The following NLGN1 variants were observed in gnomAD, a reference collection of about 807,000 sequenced individuals.
NLGN1 encodes the protein neuroligin-1.
In NLGN1, 12 loss-of-function variants were observed where a neutral mutation model predicts 65.5. The ratio of observed to expected loss-of-function variants is 0.18; its 90% CI spans 0.12 to 0.30. The LOEUF (loss-of-function observed/expected upper bound fraction) is 0.30, where lower values mean the gene tolerates loss of function less well. Among genes scored for constraint, NLGN1 ranks in the 10% least tolerant of loss-of-function variants. NLGN1 has a pLI of 1.00. For missense variants in NLGN1, 750 were observed against 1,007.1 expected, an observed-to-expected ratio of 0.74 and a Z score of 3.46; for synonymous variants, 350 against 359.5, an observed-to-expected ratio of 0.97 and a Z score of 0.30.
At chr3:173,692,186 T>G (rs1425689215) in intron 3 of NLGN1, among the ~76,000 whole-genome samples, 2 of 152,232 alleles carry the variant, frequency 1.3e-5, no homozygotes, top group Admixed American at 1.3e-4. Flanking sequence ...AAATCAATAT[T>G]TTGTTAAGCC....
chr3:173,688,647 A>G (rs116088403), intron 3 of NLGN1, among the ~76,000 whole-genome samples: 1,571 of 152,302 alleles, frequency 0.01, 32 homozygotes, highest in African/African-American at 0.036. Context: ...CAGGCAAGTC[A>G]CGTGGTCTCT....
Position 173,496,925 on chromosome 3 carries a change from A to G in NLGN1, c.-321+61847A>G, listed in dbSNP as rs191541509. 2.6e-4 allele frequency among the ~76,000 whole-genome samples: 39 copies of G among 151,880 alleles called. No individual in the cohort carries two copies. In the East Asian group the frequency reaches 7.1e-3, roughly 28 times the overall value. ...GAAGACTTTTTACTTTTCTCATTCT[A>G]TTGTTTAATCCTTTTATTACAGAGT... On this transcript the variant is annotated intron_variant, in intron 2 of 6. Transcript: ENST00000457714.
At chr3:173,718,126 C>T (rs926118557) in intron 3 of NLGN1, among the ~76,000 whole-genome samples, 2 of 152,030 alleles carry the variant, frequency 1.3e-5, no homozygotes, top group African/African-American at 4.8e-5. Flanking sequence ...TCACCTCAAA[C>T]GTTTGTTATT....
rs188843775 is a variant in NLGN1, at chr3:173,824,633, T to C, written c.646+16801T>C. On this transcript the variant is annotated intron_variant, in intron 4 of 6. Transcript: ENST00000457714. Reference sequence around the variant, plus strand: ...TGACTTACATAACCAGGAAAGGGTATGTATATTTTAAAAGTTAGATTTCTT... The same window carrying C: ...TGACTTACATAACCAGGAAAGGGTACGTATATTTTAAAAGTTAGATTTCTT... Among the ~76,000 whole-genome samples the C allele has an allele frequency of 5.9e-5, 9 of 152,190 alleles. No individual in the cohort carries two copies. The East Asian group carries it at 1.7e-3, about 29-fold the overall frequency.
chr3:173,645,527 C>T (rs1758109400), intron 3 of NLGN1, among the ~76,000 whole-genome samples: 3 of 152,236 alleles, frequency 2.0e-5, no homozygotes, highest in Admixed American at 2.0e-4. Flanking sequence ...CTCCTCTCCA[C>T]AGTGGCCCAG....
In NLGN1 at chr3:174,279,693, A is replaced by T. The variant is rs751993866; in HGVS notation, c.1649+43A>T. On this transcript the variant is annotated intron_variant, in intron 6 of 6. Coordinates refer to ENST00000457714, the Ensembl canonical transcript of NLGN1. This position sits in a 1 kb window ranked among gnomAD's most constrained non-coding sequence, Gnocchi z 4.7. Reference sequence around the variant, plus strand: ...GAAGTTTATTTTTAATAAAAATGTTATTTTAACCATTTTAAAATAATAGAT... The same window carrying T: ...GAAGTTTATTTTTAATAAAAATGTTTTTTTAACCATTTTAAAATAATAGAT... 8.6e-7 allele frequency: 1 copy of T among 1,165,202 alleles called. No individual in the cohort carries two copies. The highest frequency in any genetic ancestry group is 2.5e-5 in the East Asian group (1 of 39,294). 72.2% of individuals were successfully genotyped at this position (1,165,202 alleles called of 1,614,324 possible).
chr3:173,576,463 A>G (rs1745518211), intron 2 of NLGN1, among the ~76,000 whole-genome samples: 1 of 152,148 alleles, frequency 6.6e-6, no homozygotes, highest in Non-Finnish European at 1.5e-5. Flanking sequence ...TCTAGAAAAA[A>G]TTCCGTTTTC....
At chr3:173,841,190 C>G (rs971933225) in intron 4 of NLGN1, among the ~76,000 whole-genome samples, 2 of 151,876 alleles carry the variant, frequency 1.3e-5, no homozygotes, top group African/African-American at 4.8e-5. Flanking sequence ...TCAAATGTGA[C>G]AATTTCATGG....
At chr3:173,910,672 A>G (rs139082748) in intron 4 of NLGN1, 3 of 152,362 alleles carry the variant, frequency 2.0e-5, no homozygotes, top group Admixed American at 6.5e-5. Context: ...AATAAGTAAT[A>G]TATAATGCTC....
intron 2 of NLGN1, among the ~76,000 whole-genome samples, chr3:173,441,999 G>A (rs1719288834): frequency 6.6e-6 from 1 of 152,080 alleles, no homozygotes; most frequent in African/African-American, 2.4e-5. Flanking sequence ...AATCTGTATT[G>A]TAGGAAGTCA....
intron 3 of NLGN1, among the ~76,000 whole-genome samples, chr3:173,650,052 T>C (rs573399153): frequency 1.3e-5 from 2 of 152,264 alleles, no homozygotes; most frequent in South Asian, 4.1e-4. Context: ...TATACGTGTA[T>C]GTATGCATAC....
At chr3:173,830,055 T>C (rs981564695) in intron 4 of NLGN1, among the ~76,000 whole-genome samples, 3 of 151,874 alleles carry the variant, frequency 2.0e-5, no homozygotes, top group African/African-American at 7.3e-5. Context: ...TCCAACTGAT[T>C]TATCAATATG....
intron 3 of NLGN1, among the ~76,000 whole-genome samples, chr3:173,756,265 T>C (rs1391760731): frequency 2.0e-5 from 3 of 151,894 alleles, no homozygotes; most frequent in Admixed American, 6.6e-5. Context: ...AAAGTATAAA[T>C]TTTTAAAAGT....
At chr3:174,135,816 T>C (rs1301610145) in intron 4 of NLGN1, among the ~76,000 whole-genome samples, 1 of 152,160 alleles carries the variant, frequency 6.6e-6, no homozygotes, top group Non-Finnish European at 1.5e-5. Context: ...TAATTCCTTA[T>C]TATTTTAAGC....
At chr3:174,218,499 ATAGT>A (rs201579879) in intron 4 of NLGN1, among the ~76,000 whole-genome samples, 1,673 of 152,032 alleles carry the variant, frequency 0.011, 39 homozygotes, top group African/African-American at 0.038. Context: ...GCACAAACCG[ATAGT>A]TGCTTTTTCA....
At chr3:173,521,529 C>G (rs374382220) in intron 2 of NLGN1, among the ~76,000 whole-genome samples, 20 of 152,256 alleles carry the variant, frequency 1.3e-4, no homozygotes, top group African/African-American at 4.6e-4. Context: ...TACTTATGGC[C>G]TGGTGCCTTG....
intron 3 of NLGN1, among the ~76,000 whole-genome samples, chr3:173,606,710 T>A (rs575295070): frequency 1.3e-5 from 2 of 152,150 alleles, no homozygotes; most frequent in East Asian, 3.9e-4. Context: ...TTTTTTTGTT[T>A]GCTTTGTCTT....
At chr3:173,994,771 G>A (rs1721921830) in intron 4 of NLGN1, among the ~76,000 whole-genome samples, 1 of 152,088 alleles carries the variant, frequency 6.6e-6, no homozygotes, top group Non-Finnish European at 1.5e-5. Context: ...TTAAACTTCT[G>A]AACAGTTTTT....
intron 4 of NLGN1, among the ~76,000 whole-genome samples, chr3:174,043,199 T>C (rs747057591): frequency 6.6e-6 from 1 of 152,172 alleles, no homozygotes; most frequent in Non-Finnish European, 1.5e-5. Flanking sequence ...TTATGGGAAC[T>C]ACAATTCAAG....
Sources: gnomAD v4.1 joint callset for allele counts (sites outside exome capture counted in the v4.1 genomes callset) on GRCh38, gnomAD v4.1.1 for gene constraint, Gnocchi (gnomAD v3.1) non-coding constraint, MANE v1.5 for transcripts, NCBI Gene and HGNC (gene_info 2026-07-23, HGNC 2026-07-21) for gene names.